Variants in CFAP47 observed in about 807,000 individuals in gnomAD.
The protein encoded by CFAP47 is cilia- and flagella-associated protein 47.
In CFAP47, 29 loss-of-function variants were observed where a neutral mutation model predicts 148.1. That is an observed-to-expected ratio of 0.20 (90% confidence interval 0.15 to 0.27). The LOEUF is 0.27. Ranked by LOEUF, CFAP47 falls within the 10% of genes least tolerant of loss-of-function variation. The probability of loss-of-function intolerance (pLI) is 1.00; values close to 1 mark genes in which losing one functional copy is unlikely to be tolerated. For synonymous variants in CFAP47, 664 were observed against 577.3 expected, an observed-to-expected ratio of 1.15 and a Z score of -2.15; for missense variants, 1,872 against 1,697.5, an observed-to-expected ratio of 1.10 and a Z score of -1.81.
intron 57 of CFAP47, among the ~76,000 whole-genome samples, chrX:36,340,795 C>A (rs1556015602): frequency 1.8e-5 from 2 of 110,467 alleles, no homozygotes; most frequent in African/African-American, 6.6e-5. Flanking sequence ...CTTCAAACCA[C>A]CAATAGAGTA....
At chrX:36,015,868 ATATT>A (rs892213521) in intron 22 of CFAP47, among the ~76,000 whole-genome samples, 3 of 112,196 alleles carry the variant, frequency 2.7e-5, no homozygotes, top group Admixed American at 9.5e-5. Flanking sequence ...TGAAATTCAA[ATATT>A]TAAAGTGTTC....
chrX:36,223,238 T>C (rs1457875323), intron 45 of CFAP47, among the ~76,000 whole-genome samples: 6 of 110,441 alleles, frequency 5.4e-5, no homozygotes, highest in African/African-American at 1.6e-4. Flanking sequence ...AATTTCCCAG[T>C]CTCAGGTATT....
chrX:36,176,711 C>T (rs933955904), intron 39 of CFAP47, among the ~76,000 whole-genome samples: 2 of 111,633 alleles, frequency 1.8e-5, no homozygotes, highest in Admixed American at 1.9e-4. Context: ...CAAGACCAGC[C>T]TGGCCAACAT....
intron 29 of CFAP47, among the ~76,000 whole-genome samples, chrX:36,083,225 T>C (rs1459444069): frequency 9.0e-6 from 1 of 110,566 alleles, no homozygotes; most frequent in East Asian, 2.8e-4. Context: ...CACACACATG[T>C]GCATACATAC....
rs1196532368 is a variant in CFAP47 at position 35,956,054 on chromosome X, C to T, written c.1268C>T (p.Pro423Leu). ...CCAGGACCAGTTCTTAATTTTAAAC[C>T]TTGTTTCATGGGTGAACGTTCAGAA... The part of the protein sequence containing the change: ...FDPGPVLNFK[P>L]CFMGERSEIQ... The change falls in exon 8 of 64, where the codon CCT becomes CTT. Residue 423 changes from proline to leucine, a missense_variant. By Grantham distance (98) the Pro-to-Leu change is moderately conservative. Coordinates refer to ENST00000378653, the MANE Select transcript of CFAP47 (RefSeq NM_001304548.2). 1.7e-6 allele frequency: 2 copies of T among 1,209,662 alleles called. No homozygotes were observed. The highest frequency in any genetic ancestry group is 2.2e-6 in the Non-Finnish European group (2 of 894,969).
intron 60 of CFAP47, among the ~76,000 whole-genome samples, chrX:36,355,614 A>G (rs1257229373): frequency 8.9e-6 from 1 of 112,094 alleles, no homozygotes; most frequent in Admixed American, 9.5e-5. Flanking sequence ...CAGAAAGACA[A>G]AACTACATGA....
chrX:36,384,817 G>A lies in CFAP47; in HGVS notation c.9375G>A (p.Lys3125=). The A allele has an allele frequency of 3.4e-6, 4 of 1,165,663 alleles. No homozygotes were observed. Among genetic ancestry groups the A allele is most frequent in the East Asian group, 3.3e-5 (1 of 30,746 alleles). Reference sequence around the variant, plus strand: ...TCCAGACAGAAGAAATGTACTGGAAGTATGAGATCAATGGATTAACTCCAA... The same window carrying A: ...TCCAGACAGAAGAAATGTACTGGAAATATGAGATCAATGGATTAACTCCAA... ...LVIQTEEMYW[K]YEINGLTPTT... Residue 3125 remains lysine (K), a synonymous_variant, in exon 64 of 64, where the codon AAG becomes AAA. Coordinates refer to ENST00000378653, the MANE Select transcript of CFAP47 (RefSeq NM_001304548.2).
intron 50 of CFAP47, 22 bp from the exon 51 acceptor site, chrX:36,285,607 A>AGTGTT: frequency 1.5e-6 from 1 of 650,319 alleles, no homozygotes; most frequent in Non-Finnish European, 2.5e-6. Flanking sequence ...TATATTAAAA[A>AGTGTT]GTGTTTTGTT....
chrX:36,028,214 T>C (rs1343399240), intron 22 of CFAP47, among the ~76,000 whole-genome samples: 1 of 111,589 alleles, frequency 9.0e-6, no homozygotes, highest in Non-Finnish European at 1.9e-5. Flanking sequence ...GACTTGGTTA[T>C]GAATTCTTTG....
At chrX:36,161,700 T>C (rs1445570519) in intron 39 of CFAP47, among the ~76,000 whole-genome samples, 1 of 112,095 alleles carries the variant, frequency 8.9e-6, no homozygotes, top group Non-Finnish European at 1.9e-5. Context: ...ATGATACTTA[T>C]ATTGAAACTG....
chrX:36,112,628 A>G (rs1390153996), intron 33 of CFAP47, among the ~76,000 whole-genome samples: 1 of 111,608 alleles, frequency 9.0e-6, no homozygotes, highest in Non-Finnish European at 1.9e-5. Context: ...CATTTGATCC[A>G]GTGCTGAGTT....
intron 30 of CFAP47, among the ~76,000 whole-genome samples, chrX:36,089,738 T>C (rs1278783895): frequency 8.9e-6 from 1 of 112,010 alleles, no homozygotes; most frequent in African/African-American, 3.2e-5. Context: ...CTAGGCTTAA[T>C]ATTGGAGTGG....
chrX:36,170,551 G>A (rs1388880956), intron 39 of CFAP47, among the ~76,000 whole-genome samples: 2 of 110,435 alleles, frequency 1.8e-5, no homozygotes, highest in East Asian at 2.9e-4. Flanking sequence ...GCAGTGTTTG[G>A]TTTTTTGTTC....
intron 46 of CFAP47, among the ~76,000 whole-genome samples, chrX:36,233,569 A>G (rs1555993223): frequency 1.8e-5 from 2 of 111,513 alleles, no homozygotes; most frequent in Non-Finnish European, 3.8e-5. Context: ...TCTTTATCCA[A>G]TTTGCCAGTC....
intron 26 of CFAP47, among the ~76,000 whole-genome samples, chrX:36,055,110 T>G (rs985959865): frequency 9.0e-6 from 1 of 110,866 alleles, no homozygotes; most frequent in Non-Finnish European, 1.9e-5. Context: ...TCTTATTTTT[T>G]TTTTTAATTT....
At chrX:36,324,149 G>A (rs1367918657) in intron 57 of CFAP47, among the ~76,000 whole-genome samples, 4 of 111,674 alleles carry the variant, frequency 3.6e-5, no homozygotes, top group African/African-American at 9.7e-5. Context: ...ACACAAGAGT[G>A]TAGGTGAATT....
intron 45 of CFAP47, among the ~76,000 whole-genome samples, chrX:36,209,192 C>T (rs1940073802): frequency 9.0e-6 from 1 of 111,680 alleles, no homozygotes; most frequent in East Asian, 2.8e-4. Flanking sequence ...ATTGCCAAAA[C>T]TTACCTAATA....
chrX:36,298,828 T>C (rs1377621691), intron 51 of CFAP47, 149 bp from the exon 52 acceptor site: 5 of 332,731 alleles, frequency 1.5e-5, no homozygotes, highest in Non-Finnish European at 2.7e-5. Context: ...GATTCAAAGC[T>C]AGTGAGATAT....
In CFAP47 at chrX:36,361,501, G is replaced by A. The variant is rs1556019247; in HGVS notation, c.9023G>A (p.Arg3008Lys). The change falls in exon 61 of 64, where the codon AGG (arginine) becomes AAG (lysine). Residue 3008 changes from arginine to lysine, a missense_variant and splice_region_variant. By Grantham distance (26) the Arg-to-Lys change is conservative (BLOSUM62 2). Transcript: ENST00000378653. ...NLVFTPKKPL[R>K]SHITLKIECV... ...GTATTCACACCAAAGAAACCATTAA[G>A]GTAAATCTACTTTCCTCTTTTTTAT... 2 of 957,782 alleles carry A rather than the reference G, an allele frequency of 2.1e-6. No individual in the cohort carries two copies. Among genetic ancestry groups the A allele is most frequent in the East Asian group, 3.6e-5 (1 of 28,168 alleles). The allele number at this position is 957,782 out of a possible 1,213,427, so 78.9% of individuals were successfully genotyped here. A position where few individuals can be genotyped will look rare whatever the true frequency, so the allele number is the denominator to read the frequency against.
Sources: gnomAD v4.1 joint callset for allele counts (sites outside exome capture counted in the v4.1 genomes callset) on GRCh38, gnomAD v4.1.1 for gene constraint, MANE v1.5 for transcripts, NCBI Gene and HGNC (gene_info 2026-07-23, HGNC 2026-07-21) for gene names.